Variants in GREB1L observed in about 807,000 individuals in gnomAD.
GREB1L encodes the protein GREB1-like protein.
In GREB1L, 17 loss-of-function variants were observed where a neutral mutation model predicts 200.8. The ratio of observed to expected loss-of-function variants is 0.08; its 90% confidence interval spans 0.06 to 0.13. The LOEUF (loss-of-function observed/expected upper bound fraction) is 0.13, where lower values mean the gene tolerates loss of function less well. Ranked by LOEUF, GREB1L falls within the 10% of genes least tolerant of loss-of-function variation. GREB1L has a pLI of 1.00. For synonymous variants in GREB1L, 789 were observed against 893.0 expected (o/e 0.88, Z 2.08); for missense variants, 1,657 against 2,367.7 (o/e 0.70, Z 6.23).
intron 7 of GREB1L, among the ~76,000 whole-genome samples, chr18:21,405,671 T>C (rs547915728): frequency 1.3e-5 from 2 of 152,206 alleles, no homozygotes; most frequent in South Asian, 2.1e-4. Context: ...CATGGTGGCA[T>C]GCGCCTGTAA....
intron 7 of GREB1L, among the ~76,000 whole-genome samples, chr18:21,409,519 T>C (rs887815492): frequency 6.6e-6 from 1 of 152,250 alleles, no homozygotes; most frequent in Non-Finnish European, 1.5e-5. Flanking sequence ...GGGCAAATTT[T>C]ATACATAAAG....
intron 1 of GREB1L, among the ~76,000 whole-genome samples, chr18:21,243,329 C>G (rs774268716): frequency 1.3e-5 from 2 of 152,182 alleles, no homozygotes; most frequent in African/African-American, 2.4e-5. Context: ...TGCCTCTAAC[C>G]GAGGCTGCGG....
chr18:21,515,799 T>C (rs1488208920), intron 29 of GREB1L, among the ~76,000 whole-genome samples, 155 bp downstream of exon 29: 3 of 152,188 alleles, frequency 2.0e-5, no homozygotes, highest in Non-Finnish European at 4.4e-5. Context: ...CCCCAAAGTG[T>C]GCCCCTTTAT....
At chr18:21,352,903 T>C (rs2039453579) in intron 1 of GREB1L, among the ~76,000 whole-genome samples, 1 of 152,100 alleles carries the variant, frequency 6.6e-6, no homozygotes, top group African/African-American at 2.4e-5. Context: ...CCATATAGTC[T>C]GAGCACGATG....
intron 2 of GREB1L, 109 bp from the exon 3 acceptor site, chr18:21,383,401 T>A: frequency 7.6e-6 from 6 of 792,450 alleles, no homozygotes; most frequent in Non-Finnish European, 1.1e-5. Context: ...ATTTCACATC[T>A]TAACAAGATA....
rs1271903326 is a variant in GREB1L at position 21,449,616 on chromosome 18, C to G, written c.1500C>G (p.Val500=). 10 of 1,551,100 alleles carry G rather than the reference C, an allele frequency of 6.4e-6. No individual in the cohort carries two copies. Among genetic ancestry groups the G allele is most frequent in the Non-Finnish European group, 8.7e-6 (10 of 1,146,488 alleles). ...CCCTGCAGATAGGTGCTCAGTGTGT[C>G]CCTGTGTCACCAGGACAACTCCCCT... is the stretch of plus-strand genomic sequence containing the variant. The part of the protein sequence containing the change: ...ERALQIGAQC[V]PVSPGQLPWL... Residue 500 remains valine, a synonymous_variant, in exon 12 of 33, where the codon GTC becomes GTG. Coordinates refer to ENST00000424526, the MANE Select transcript of GREB1L (RefSeq NM_001142966.3).
intron 1 of GREB1L, among the ~76,000 whole-genome samples, chr18:21,341,901 T>C (rs145305315): frequency 6.6e-6 from 1 of 152,280 alleles, no homozygotes; most frequent in East Asian, 1.9e-4. Context: ...ACGATGGGAA[T>C]ACTTTTCAAA....
In GREB1L at chr18:21,490,366, G is replaced by A; in HGVS notation, c.3030+15G>A. On this transcript the variant is annotated intron_variant, in intron 19 of 32. Coordinates refer to ENST00000424526, the MANE Select transcript of GREB1L (RefSeq NM_001142966.3). ...CGCGATTAAAGGTTAGCAATGGACA[G>A]ACATTTCTCCTTTAAAATACCATTT... is the stretch of plus-strand genomic sequence containing the variant. The A allele has an allele frequency of 6.5e-7, 1 of 1,539,330 alleles. No homozygotes were observed. Among genetic ancestry groups the A allele is most frequent in the Non-Finnish European group, 8.8e-7 (1 of 1,137,254 alleles).
At chr18:21,417,886 CA>C (rs1416634713) in intron 7 of GREB1L, among the ~76,000 whole-genome samples, 1 of 150,498 alleles carries the variant, frequency 6.6e-6, no homozygotes, top group Non-Finnish European at 1.5e-5. Context: ...GAGGCTGAGG[CA>C]GGAGAATGGC....
intron 15 of GREB1L, among the ~76,000 whole-genome samples, chr18:21,471,518 C>T (rs1479708869): frequency 6.6e-6 from 1 of 152,164 alleles, no homozygotes. Flanking sequence ...TAGTCCTGTT[C>T]CCCTCTATCC....
intron 15 of GREB1L, among the ~76,000 whole-genome samples, chr18:21,457,921 T>G (rs780459483): frequency 1.3e-5 from 2 of 152,048 alleles, no homozygotes; most frequent in South Asian, 2.1e-4. Context: ...AAGAGCCTAG[T>G]TTGCCTGAGA....
At chr18:21,250,733 T>C (rs1386545220) in intron 1 of GREB1L, among the ~76,000 whole-genome samples, 1 of 152,234 alleles carries the variant, frequency 6.6e-6, no homozygotes, top group East Asian at 1.9e-4. Context: ...ATAACTTGTA[T>C]CCACATCAGA....
intron 15 of GREB1L, among the ~76,000 whole-genome samples, chr18:21,470,786 A>AC (rs2035453265): frequency 2.0e-5 from 3 of 152,362 alleles, no homozygotes; most frequent in South Asian, 2.1e-4. Flanking sequence ...AAGCACAAAA[A>AC]TGGAAGCAGT....
At chr18:21,353,013 C>G (rs2039455917) in intron 1 of GREB1L, among the ~76,000 whole-genome samples, 1 of 151,918 alleles carries the variant, frequency 6.6e-6, no homozygotes, top group African/African-American at 2.4e-5. Context: ...AACCCCGTCT[C>G]TACTGAAAAT....
intron 7 of GREB1L, 118 bp downstream of exon 7, chr18:21,404,112 C>A: frequency 1.1e-6 from 1 of 893,152 alleles, no homozygotes; most frequent in Non-Finnish European, 1.7e-6. Context: ...AAAGGTATTA[C>A]TTGAGTTACT....
intron 1 of GREB1L, among the ~76,000 whole-genome samples, chr18:21,341,486 C>G (rs2039269043): frequency 6.6e-6 from 1 of 152,202 alleles, no homozygotes. Flanking sequence ...ATCTTTCCAC[C>G]TCAGCTTCCA....
chr18:21,508,055 G>A (rs1266863257), intron 25 of GREB1L, 63 bp from the exon 26 acceptor site: 2 of 1,456,102 alleles, frequency 1.4e-6, no homozygotes, highest in African/African-American at 1.4e-5. Context: ...TGAAGGAGTG[G>A]CCTGGAAGTT....
chr18:21,397,146 T>C (rs375819129), intron 5 of GREB1L, among the ~76,000 whole-genome samples: 58 of 152,256 alleles, frequency 3.8e-4, no homozygotes, highest in African/African-American at 1.4e-3. Flanking sequence ...AGACTTTTTA[T>C]GGTTCATAGG....
chr18:21,412,051 C>CAAAAAAAAAAAAAAA (rs962603456), intron 7 of GREB1L, among the ~76,000 whole-genome samples: 5 of 30,506 alleles, frequency 1.6e-4, no homozygotes, highest in African/African-American at 5.5e-4. Context: ...GACTCCGTCT[C>CAAAAAAAAAAAAAAA]AAAAAAAAAA....
Sources: gnomAD v4.1 joint callset for allele counts (sites outside exome capture counted in the v4.1 genomes callset) on GRCh38, gnomAD v4.1.1 for gene constraint, MANE v1.5 for transcripts, NCBI Gene and HGNC (gene_info 2026-07-23, HGNC 2026-07-21) for gene names.